Variants in NUMB observed in about 807,000 individuals in gnomAD.
NUMB encodes the protein NUMB endocytic adaptor protein, also known as protein numb homolog.
In NUMB, 29 loss-of-function variants were observed where a neutral mutation model predicts 59.7. The ratio of observed to expected loss-of-function variants is 0.49; its 90% CI spans 0.36 to 0.66. NUMB has a LOEUF of 0.66. Among genes scored for constraint, NUMB ranks in the 30% least tolerant of loss-of-function variants. NUMB has a pLI of 0.00. For missense variants in NUMB, 723 were observed against 822.0 expected (o/e 0.88, Z 1.47); for synonymous variants, 288 against 288.2 (o/e 1.00, Z 0.01).
chr14:73,440,441 A>G (rs1361544565), intron 1 of NUMB, among the ~76,000 whole-genome samples: 3 of 152,084 alleles, frequency 2.0e-5, no homozygotes, highest in African/African-American at 7.2e-5. Context: ...GGAGTGAACA[A>G]AATTAAGAAA....
intron 2 of NUMB, among the ~76,000 whole-genome samples, chr14:73,372,305 T>TATATATA (rs1894716710): frequency 2.3e-5 from 2 of 85,998 alleles, no homozygotes; most frequent in East Asian, 4.0e-4. Context: ...TATATTTCTT[T>TATATATA]TATATATATA....
intron 2 of NUMB, among the ~76,000 whole-genome samples, chr14:73,400,761 C>T (rs918380998): frequency 1.3e-5 from 2 of 152,204 alleles, no homozygotes; most frequent in African/African-American, 4.8e-5. Context: ...CCCGAAAGGA[C>T]AGGGTTTGGA....
intron 2 of NUMB, among the ~76,000 whole-genome samples, chr14:73,389,865 A>G (rs1380710807): frequency 6.6e-6 from 1 of 152,182 alleles, no homozygotes; most frequent in Non-Finnish European, 1.5e-5. Flanking sequence ...AGAAACACAC[A>G]GGTTATGTGC....
chr14:73,403,146 CAT>C (rs2140120414), intron 2 of NUMB, among the ~76,000 whole-genome samples: 1 of 152,304 alleles, frequency 6.6e-6, no homozygotes, highest in East Asian at 1.9e-4. Flanking sequence ...TTTTCCTTGG[CAT>C]AGTCTTTTTC....
chr14:73,413,286 C>T (rs1896976083), intron 1 of NUMB, among the ~76,000 whole-genome samples: 1 of 150,532 alleles, frequency 6.6e-6, no homozygotes, highest in Non-Finnish European at 1.5e-5. Context: ...AGGGTTTCAC[C>T]ATGTTGGCCA....
In NUMB at chr14:73,291,630, G is replaced by A. The variant is rs578214827; in HGVS notation, c.450+1104C>T. ...TGACCTCAGGTGATCTGCCTACCTC[G>A]GCCTCCCAAAGTGCTGGGATTACAG... On this transcript the variant is annotated intron_variant, in intron 8 of 12. Coordinates refer to ENST00000555238, the MANE Select transcript of NUMB (RefSeq NM_001005743.2). Among the ~76,000 whole-genome samples the A allele has an allele frequency of 1.7e-3, 264 of 151,248 alleles. 3 individuals carry two copies. The highest frequency in any genetic ancestry group is 5.8e-3 in the African/African-American group (241 of 41,206).
chr14:73,363,023 C>A (rs985285894), intron 3 of NUMB, among the ~76,000 whole-genome samples: 2 of 152,112 alleles, frequency 1.3e-5, no homozygotes, highest in Admixed American at 1.3e-4. Flanking sequence ...AAGCCGGGTG[C>A]AGTGGCTCAT....
intron 8 of NUMB, among the ~76,000 whole-genome samples, chr14:73,292,130 C>A (rs984027810): frequency 6.6e-6 from 1 of 152,048 alleles, no homozygotes; most frequent in South Asian, 2.1e-4. Context: ...CCAACACCTA[C>A]GCTCAAGTGT....
Position 73,353,072 on chromosome 14 carries a change from G to GTTTTTCTTTTTTTTTTTTTTTTTTT in NUMB, c.126+2553_126+2554insAAAAAAAAAAAAAAAAAAAGAAAAA, listed in dbSNP as rs71450219. ...CTTAATGGATGCCACAGTTTTTCTT[G>GTTTTTCTTTTTTTTTTTTTTTTTTT]TTTTTTTTTTTTTTTTTTTTTTTTT... is the stretch of plus-strand genomic sequence containing the variant. On this transcript the variant is annotated intron_variant, in intron 4 of 12. Coordinates refer to ENST00000555238, the MANE Select transcript of NUMB (RefSeq NM_001005743.2). 2.6e-3 allele frequency among the ~76,000 whole-genome samples: 153 copies of GTTTTTCTTTTTTTTTTTTTTTTTTT among 58,518 alleles called. 40 individuals are homozygous for GTTTTTCTTTTTTTTTTTTTTTTTTT. The highest frequency in any genetic ancestry group is 0.019 in the Middle Eastern group (1 of 54). 38.4% of individuals were successfully genotyped at this position (58,518 alleles called of 152,430 possible).
chr14:73,335,345 C>G (rs1039729350), intron 4 of NUMB, among the ~76,000 whole-genome samples: 1 of 128,860 alleles, frequency 7.8e-6, no homozygotes, highest in South Asian at 2.5e-4. Context: ...TAGAAGGGAA[C>G]AAAATTATTT....
chr14:73,332,479 C>G (rs1193960394), intron 4 of NUMB, among the ~76,000 whole-genome samples: 3 of 151,962 alleles, frequency 2.0e-5, no homozygotes, highest in Non-Finnish European at 4.4e-5. Flanking sequence ...GTCTCGAACT[C>G]CTGACCTCAG....
At chr14:73,434,265 C>G (rs1897953915) in intron 1 of NUMB, among the ~76,000 whole-genome samples, 1 of 152,144 alleles carries the variant, frequency 6.6e-6, no homozygotes, top group Non-Finnish European at 1.5e-5. Context: ...ACCACTTACT[C>G]TATGATATTG....
intron 2 of NUMB, among the ~76,000 whole-genome samples, chr14:73,367,348 T>TATAGAGAGAGAGAGAGAGAGAG (rs1555375287): frequency 2.7e-4 from 28 of 105,296 alleles, no homozygotes; most frequent in African/African-American, 8.5e-4. Context: ...TATATATATA[T>TATAGAGAGAGAGAGAGAGAGAG]AGAGAGAGAG....
At chr14:73,297,342 A>G (rs949151012) in intron 6 of NUMB, 57 bp from the exon 7 acceptor site, 14 of 1,052,994 alleles carry the variant, frequency 1.3e-5, no homozygotes, top group Non-Finnish European at 2.0e-5. Flanking sequence ...TATTAAAAAA[A>G]TGTCATCTTC....
At chr14:73,349,993 C>T (rs1051119158) in intron 4 of NUMB, among the ~76,000 whole-genome samples, 5 of 151,908 alleles carry the variant, frequency 3.3e-5, no homozygotes, top group Admixed American at 2.0e-4. Context: ...AGCAGTGAGG[C>T]GTGGTTGCAC....
chr14:73,425,295 A>G (rs1334989778), intron 1 of NUMB, among the ~76,000 whole-genome samples: 1 of 152,346 alleles, frequency 6.6e-6, no homozygotes, highest in Admixed American at 6.5e-5. Context: ...ATTGAAAAAA[A>G]TTGCAGTTCA....
intron 4 of NUMB, among the ~76,000 whole-genome samples, chr14:73,325,020 A>G (rs1240434622): frequency 2.6e-5 from 4 of 151,636 alleles, no homozygotes; most frequent in African/African-American, 7.3e-5. Context: ...AATAAACCTA[A>G]TAATGTCACA....
intron 4 of NUMB, among the ~76,000 whole-genome samples, chr14:73,352,459 T>TAC (rs60134093): frequency 0.041 from 795 of 19,380 alleles, 51 homozygotes; most frequent in South Asian, 0.054. Context: ...CACACACACA[T>TAC]ACACACACAC....
chr14:73,329,415 A>G (rs1186657351), intron 4 of NUMB, among the ~76,000 whole-genome samples: 1 of 152,206 alleles, frequency 6.6e-6, no homozygotes, highest in East Asian at 1.9e-4. Context: ...TATTTATTGC[A>G]TGAATGAATT....
Sources: allele counts gnomAD v4.1 joint callset (sites outside exome capture counted in the v4.1 genomes callset), GRCh38; gene constraint gnomAD v4.1.1; transcripts MANE v1.5; gene names NCBI Gene and HGNC (gene_info 2026-07-23, HGNC 2026-07-21).